The following FBXW2 variants were observed in gnomAD, a reference collection of about 807,000 sequenced individuals.
The protein encoded by FBXW2 is F-box/WD repeat-containing protein 2.
In FBXW2, 12 loss-of-function variants were observed where a neutral mutation model predicts 46.0. The observed-to-expected ratio is 0.26, with a 90% CI of 0.17 to 0.42. The LOEUF is 0.42. Among genes scored for constraint, FBXW2 ranks in the 10% least tolerant of loss-of-function variants. The pLI is 1.00. For missense variants in FBXW2, 360 were observed against 537.0 expected (o/e 0.67, Z 3.26); for synonymous variants, 203 against 209.6 (o/e 0.97, Z 0.27).
intron 5 of FBXW2, among the ~76,000 whole-genome samples, chr9:120,774,172 C>T (rs1432300851): frequency 1.3e-5 from 2 of 151,890 alleles, no homozygotes; most frequent in African/African-American, 2.4e-5. Flanking sequence ...TCCGTCTCTA[C>T]TAAAAACACA....
rs138400950 is a variant in FBXW2 at position 120,785,708 on chromosome 9, A to C, written c.490+2061T>G. Among the ~76,000 whole-genome samples the C allele has an allele frequency of 8.5e-5, 13 of 152,228 alleles. No individual in the cohort carries two copies. In the East Asian group the frequency reaches 2.5e-3, roughly 29 times the overall value. On this transcript the variant is annotated intron_variant, in intron 3 of 7. Coordinates refer to ENST00000608872, the MANE Select transcript of FBXW2 (RefSeq NM_012164.4). ...CACTATATTGGTATGGCATCAATTCAATCTATCTGGAAAGGGCACTAAGAA... is the reference window on the plus strand; with the variant it reads ...CACTATATTGGTATGGCATCAATTCCATCTATCTGGAAAGGGCACTAAGAA...
At position 120,790,944 on chromosome 9, in the gene FBXW2, T is replaced by A. The variant is rs559763705; in HGVS notation, c.-21+2205A>T. 1.1e-4 allele frequency among the ~76,000 whole-genome samples: 17 copies of A among 152,180 alleles called. 1 individual carries two copies. Among genetic ancestry groups the A allele is most frequent in the Non-Finnish European group, 1.9e-4 (13 of 68,038 alleles). ...CAGATTTATATATTCTCCTAACTCT[T>A]AATAAAAAAAATTTTCCCAACTCTT... On this transcript the variant is annotated intron_variant, in intron 2 of 7. Transcript: ENST00000608872.
At position 120,792,746 on chromosome 9, in the gene FBXW2, G is replaced by T. The variant is rs2044875402; in HGVS notation, c.-21+403C>A. 8.7e-6 allele frequency: 5 copies of T among 573,388 alleles called. No individual in the cohort carries two copies. The Admixed American group carries it at 9.7e-5, about 11-fold the overall frequency. The allele number at this position is 573,388 out of a possible 1,614,324, so 35.5% of individuals were successfully genotyped here. A position where few individuals can be genotyped will look rare whatever the true frequency, so the allele number is the denominator to read the frequency against. ...CATTACCTACAAGGGTTTTTATGAG[G>T]GTTAAACAAGACAGTGCAAGTAAAG... On this transcript the variant is annotated intron_variant, in intron 2 of 7. Transcript: ENST00000608872.
chr9:120,771,433 T>C lies in FBXW2; in HGVS notation c.991A>G (p.Arg331Gly). Residue 331 changes from arginine (R) to glycine (G), a missense_variant, in exon 7 of 8, where the codon AGA (arginine) becomes GGA (glycine). Transcript: ENST00000608872. ...SEDRSICLQP[R>G]LHFDGKYIVC... ...ATGTATTTGCCATCAAAATGAAGTC[T>C]TGGCTGCAGGCAGATACTTCTATCC... 1 of 1,614,202 alleles carries C rather than the reference T, an allele frequency of 6.2e-7. No homozygotes were observed.
At chr9:120,785,174 G>A (rs1554808924) in intron 3 of FBXW2, among the ~76,000 whole-genome samples, 1 of 151,462 alleles carries the variant, frequency 6.6e-6, no homozygotes, top group East Asian at 2.0e-4. Flanking sequence ...ACACCCAGCT[G>A]TTTTTTTATT....
chr9:120,770,452 GCTAA>G (rs2131299050), intron 7 of FBXW2, among the ~76,000 whole-genome samples: 1 of 151,902 alleles, frequency 6.6e-6, no homozygotes, highest in South Asian at 2.1e-4. Context: ...GCTATGGGAC[GCTAA>G]CTTTTTGAGT....
In FBXW2 at chr9:120,787,239, G is replaced by C. The variant is rs1588050105; in HGVS notation, c.490+530C>G. On this transcript the variant is annotated intron_variant, in intron 3 of 7. Coordinates refer to ENST00000608872, the MANE Select transcript of FBXW2 (RefSeq NM_012164.4). Reference sequence around the variant, plus strand: ...AGACGGGATTTCACCATGTTGACCAGTCTGGTCTCGAACTCCTGAGCTCAG... The same window carrying C: ...AGACGGGATTTCACCATGTTGACCACTCTGGTCTCGAACTCCTGAGCTCAG... 2.0e-5 allele frequency among the ~76,000 whole-genome samples: 3 copies of C among 152,316 alleles called. No homozygotes were observed. The South Asian group carries it at 6.2e-4, about 32-fold the overall frequency.
At chr9:120,778,314 G>A in intron 4 of FBXW2, 37 bp downstream of exon 4, 3 of 1,578,072 alleles carry the variant, frequency 1.9e-6, no homozygotes, top group East Asian at 4.5e-5. Context: ...AAAGGATGAG[G>A]CTAAGTTGTA....
chr9:120,786,971 T>G (rs2044736065), intron 3 of FBXW2, among the ~76,000 whole-genome samples: 1 of 152,210 alleles, frequency 6.6e-6, no homozygotes, highest in African/African-American at 2.4e-5. Flanking sequence ...CAACTTCTAC[T>G]TCTTCTACTT....
chr9:120,774,616 T>C (rs542050896), intron 5 of FBXW2, among the ~76,000 whole-genome samples: 7 of 152,358 alleles, frequency 4.6e-5, no homozygotes, highest in Admixed American at 6.5e-5. Context: ...CTTTTCATTA[T>C]TGCCAGGAAA....
At chr9:120,784,920 A>C (rs1357883560) in intron 3 of FBXW2, among the ~76,000 whole-genome samples, 1 of 139,766 alleles carries the variant, frequency 7.2e-6, no homozygotes, top group Non-Finnish European at 1.6e-5. Flanking sequence ...CTCCTGTTTC[A>C]AAAAAAAAAA....
At position 120,793,392 on chromosome 9, in the gene FBXW2, A is replaced by G; in HGVS notation, c.-168T>C. 1 of 400,114 alleles carries G rather than the reference A, an allele frequency of 2.5e-6. No individual in the cohort carries two copies. Among genetic ancestry groups the G allele is most frequent in the Non-Finnish European group, 4.4e-6 (1 of 227,128 alleles). The allele number at this position is 400,114 out of a possible 1,614,324, so 24.8% of individuals were successfully genotyped here. A position where few individuals can be genotyped will look rare whatever the true frequency, so the allele number is the denominator to read the frequency against. On this transcript the variant is annotated 5_prime_UTR_variant, in exon 1 of 8. Transcript: ENST00000608872. ...CGCTGCTCCCGGTCCGCAGCCTCAC[A>G]GGGGAGCGGCTTCCGGTGCTGCCTG...
At position 120,762,353 on chromosome 9, in the gene FBXW2, AT is replaced by A. The variant is rs66558908; in HGVS notation, c.*2205del. 356 of 112,912 alleles carry A rather than the reference AT, an allele frequency of 3.2e-3. 3 individuals are homozygous for A. Among genetic ancestry groups the A allele is most frequent in the Middle Eastern group, 5.2e-3 (1 of 194 alleles). 7.0% of individuals were successfully genotyped at this position (112,912 alleles called of 1,614,324 possible). ...GAAACTCTGTCTCAAAAAAAAAAAA[AT>A]AATAATAAAGTAAAAAGTCATTTAC... On this transcript the variant is annotated 3_prime_UTR_variant, in exon 8 of 8. Coordinates refer to ENST00000608872, the MANE Select transcript of FBXW2 (RefSeq NM_012164.4).
rs1413128176 is a variant in FBXW2 at position 120,757,639 on chromosome 9, G to A, written c.*6920C>T. The A allele has an allele frequency of 6.6e-6, 1 of 152,192 alleles. No homozygotes were observed. Among genetic ancestry groups the A allele is most frequent in the African/African-American group, 2.4e-5 (1 of 41,436 alleles). The allele number at this position is 152,192 out of a possible 1,614,324, so 9.4% of individuals were successfully genotyped here. A position where few individuals can be genotyped will look rare whatever the true frequency, so the allele number is the denominator to read the frequency against. On this transcript the variant is annotated 3_prime_UTR_variant, in exon 8 of 8. Coordinates refer to ENST00000608872, the MANE Select transcript of FBXW2 (RefSeq NM_012164.4). ...ATACACATGTGCATAAGGATTAGAAGAGAGTATTAAAAATCGTAATGATAA... is the reference window on the plus strand; with the variant it reads ...ATACACATGTGCATAAGGATTAGAAAAGAGTATTAAAAATCGTAATGATAA...
intron 7 of FBXW2, among the ~76,000 whole-genome samples, chr9:120,767,959 A>G (rs1353647143): frequency 1.3e-5 from 2 of 152,082 alleles, no homozygotes; most frequent in Non-Finnish European, 2.9e-5. Context: ...CCCCACATCT[A>G]CTTAGTCCCT....
In FBXW2 at chr9:120,793,337, C is replaced by G. The variant is rs2044896313; in HGVS notation, c.-130+17G>C. ...CTAAGAGTCCCCTCCCCGACCGGCC[C>G]CGCCTCGCATACAGACCCGGACCTG... On this transcript the variant is annotated intron_variant, in intron 1 of 7. Coordinates refer to ENST00000608872, the MANE Select transcript of FBXW2 (RefSeq NM_012164.4). The G allele has an allele frequency of 7.1e-6, 3 of 425,432 alleles. No individual in the cohort carries two copies. Among genetic ancestry groups the G allele is most frequent in the Admixed American group, 8.5e-5 (2 of 23,486 alleles). The allele number at this position is 425,432 out of a possible 1,614,324, so 26.4% of individuals were successfully genotyped here.
chr9:120,788,949 A>G (rs1347755679), intron 2 of FBXW2, among the ~76,000 whole-genome samples: 1 of 152,304 alleles, frequency 6.6e-6, no homozygotes, highest in Non-Finnish European at 1.5e-5. Context: ...ATGAATTATA[A>G]AAGAACTTAT....
At chr9:120,781,643 C>T (rs867305629) in intron 3 of FBXW2, among the ~76,000 whole-genome samples, 2,283 of 144,718 alleles carry the variant, frequency 0.016, 68 homozygotes, top group African/African-American at 0.061. Context: ...CATACACACA[C>T]ACACACACAC....
intron 3 of FBXW2, among the ~76,000 whole-genome samples, chr9:120,781,675 C>CACACACACACACAT (rs761941263): frequency 2.7e-5 from 4 of 146,226 alleles, no homozygotes; most frequent in South Asian, 2.2e-4. Flanking sequence ...CACACACACA[C>CACACACACACACAT]ATACACACAC....
Sources: gnomAD v4.1 joint callset for allele counts (sites outside exome capture counted in the v4.1 genomes callset) on GRCh38, gnomAD v4.1.1 for gene constraint, MANE v1.5 for transcripts, NCBI Gene and HGNC (gene_info 2026-07-23, HGNC 2026-07-21) for gene names.